GPC5: variants seen among roughly 807,000 people sequenced by gnomAD.
GPC5 encodes the protein glypican 5, also known as glypican-5.
GPC5 carries 47 observed loss-of-function variants against 53.9 expected under a neutral mutation model. The observed-to-expected ratio is 0.87, with a 90% confidence interval of 0.69 to 1.11. The LOEUF (loss-of-function observed/expected upper bound fraction) is 1.11. Among genes scored for constraint, GPC5 ranks in the 50% most tolerant of loss-of-function variants. The pLI is 0.00. For synonymous variants in GPC5, 286 were observed against 263.3 expected, an observed-to-expected ratio of 1.09 and a Z score of -0.84; for missense variants, 748 against 713.1, an observed-to-expected ratio of 1.05 and a Z score of -0.56.
At chr13:92,779,691 G>A (rs910459597) in intron 7 of GPC5, among the ~76,000 whole-genome samples, 18 of 151,924 alleles carry the variant, frequency 1.2e-4, no homozygotes, top group Non-Finnish European at 2.4e-4. Context: ...CAAGTATATG[G>A]ATGACAGCTA....
At chr13:91,830,327 G>C (rs537599305) in intron 5 of GPC5, among the ~76,000 whole-genome samples, 1 of 152,182 alleles carries the variant, frequency 6.6e-6, no homozygotes, top group South Asian at 2.1e-4. Flanking sequence ...AAACATTGCT[G>C]TTATCCTGTT....
At chr13:91,771,081 G>A (rs481064) in intron 5 of GPC5, among the ~76,000 whole-genome samples, 112,022 of 151,970 alleles carry the variant, frequency 0.74, 41,561 homozygotes, top group East Asian at 0.9. Flanking sequence ...CTCACAAAAG[G>A]TCACCCTGCC....
chr13:91,954,163 G>A (rs568672519), intron 6 of GPC5, among the ~76,000 whole-genome samples: 3 of 152,202 alleles, frequency 2.0e-5, no homozygotes, highest in Admixed American at 1.3e-4. Flanking sequence ...ACCATTTTAG[G>A]AAGGCATGAC....
At chr13:92,409,428 T>C (rs556852251) in intron 7 of GPC5, among the ~76,000 whole-genome samples, 3 of 152,030 alleles carry the variant, frequency 2.0e-5, no homozygotes, top group African/African-American at 7.2e-5. Context: ...GAGCAAGAAG[T>C]ATAGAAATTT....
chr13:92,441,353 G>A (rs1044585110), intron 7 of GPC5, among the ~76,000 whole-genome samples: 3 of 152,210 alleles, frequency 2.0e-5, no homozygotes, highest in Non-Finnish European at 2.9e-5. Flanking sequence ...ACAGGCGTGA[G>A]CTACCGCCTC....
At chr13:92,500,409 G>T (rs1397034797) in intron 7 of GPC5, among the ~76,000 whole-genome samples, 4 of 152,112 alleles carry the variant, frequency 2.6e-5, no homozygotes, top group Non-Finnish European at 5.9e-5. Flanking sequence ...ACTGTTGCCG[G>T]ACCCCCAGGA....
At chr13:92,345,688 T>A (rs1286850856) in intron 7 of GPC5, among the ~76,000 whole-genome samples, 1 of 152,114 alleles carries the variant, frequency 6.6e-6, no homozygotes, top group Non-Finnish European at 1.5e-5. Context: ...AGACAGAGGA[T>A]TTCCCTGGGC....
At chr13:92,781,803 G>A (rs928299068) in intron 7 of GPC5, among the ~76,000 whole-genome samples, 2 of 152,144 alleles carry the variant, frequency 1.3e-5, no homozygotes, top group East Asian at 3.9e-4. Flanking sequence ...ACTGTTCACT[G>A]TGACTGATAG....
At chr13:92,556,426 T>C (rs1247618518) in intron 7 of GPC5, among the ~76,000 whole-genome samples, 2 of 151,850 alleles carry the variant, frequency 1.3e-5, no homozygotes, top group Admixed American at 6.6e-5. Context: ...TTATGTTTGT[T>C]GACATTTTCT....
chr13:92,501,224 A>G (rs9561076), intron 7 of GPC5, among the ~76,000 whole-genome samples: 99,153 of 151,934 alleles, frequency 0.65, 32,731 homozygotes, highest in East Asian at 0.75. Context: ...AAATAAAGGT[A>G]AAAATGTATT....
intron 2 of GPC5, among the ~76,000 whole-genome samples, chr13:91,659,046 T>C (rs1239793179): frequency 6.6e-6 from 1 of 152,184 alleles, no homozygotes; most frequent in African/African-American, 2.4e-5. Context: ...AAACTCTAGG[T>C]AGCAACTCAG....
intron 5 of GPC5, among the ~76,000 whole-genome samples, chr13:91,890,018 GTGT>G (rs2039367980): frequency 1.3e-5 from 2 of 152,178 alleles, no homozygotes; most frequent in Non-Finnish European, 2.9e-5. Flanking sequence ...AGTCAACTAT[GTGT>G]GCATTCAGGG....
intron 7 of GPC5, among the ~76,000 whole-genome samples, chr13:92,578,710 C>T (rs1238527809): frequency 1.3e-5 from 2 of 152,148 alleles, no homozygotes; most frequent in African/African-American, 4.8e-5. Flanking sequence ...CTGATTTAAA[C>T]GCTAATCCCT....
At chr13:91,691,021 G>GA (rs1272144263) in intron 2 of GPC5, among the ~76,000 whole-genome samples, 1 of 152,156 alleles carries the variant, frequency 6.6e-6, no homozygotes, top group African/African-American at 2.4e-5. Context: ...AAACTGCTCA[G>GA]AAAAATGACC....
chr13:91,760,264 G>A (rs2037381812), intron 5 of GPC5, among the ~76,000 whole-genome samples: 1 of 152,184 alleles, frequency 6.6e-6, no homozygotes, highest in Admixed American at 6.5e-5. Flanking sequence ...AATTTATCTA[G>A]GAGAGTTTCT....
At chr13:91,876,909 T>G (rs1348074026) in intron 5 of GPC5, among the ~76,000 whole-genome samples, 1 of 152,152 alleles carries the variant, frequency 6.6e-6, no homozygotes, top group Non-Finnish European at 1.5e-5. Flanking sequence ...GTGCCTGTGC[T>G]ATATGCAGCC....
At chr13:92,692,835 C>A (rs1461523992) in intron 7 of GPC5, among the ~76,000 whole-genome samples, 2 of 133,560 alleles carry the variant, frequency 1.5e-5, no homozygotes, top group Admixed American at 1.8e-4. Flanking sequence ...TTTGGATTTG[C>A]ATTTTTTTGC....
intron 6 of GPC5, 86 bp downstream of exon 6, chr13:91,908,143 C>T (rs1470995671): frequency 2.8e-6 from 3 of 1,078,512 alleles, no homozygotes; most frequent in African/African-American, 1.7e-5. Context: ...ATTTGTTAAT[C>T]CTGTCAGATA....
intron 6 of GPC5, among the ~76,000 whole-genome samples, chr13:91,939,994 G>T (rs557150686): frequency 6.6e-6 from 1 of 151,956 alleles, no homozygotes; most frequent in South Asian, 2.1e-4. Context: ...TCACACATCG[G>T]GTCTATCCAA....
Sources: gnomAD v4.1 joint callset for allele counts (sites outside exome capture counted in the v4.1 genomes callset) on GRCh38, gnomAD v4.1.1 for gene constraint, MANE v1.5 for transcripts, NCBI Gene and HGNC (gene_info 2026-07-23, HGNC 2026-07-21) for gene names.